The following CACNA1H variants were observed in gnomAD, a reference collection of about 807,000 sequenced individuals.
The protein encoded by CACNA1H is voltage-dependent T-type calcium channel subunit alpha-1H.
Under a neutral mutation model 192.5 loss-of-function variants are expected in CACNA1H, and 149 were observed. That is an observed-to-expected ratio of 0.77 (90% CI 0.68 to 0.89). The LOEUF (loss-of-function observed/expected upper bound fraction) is 0.89. CACNA1H is among the 40% of genes least tolerant of loss of function. The pLI, the probability that CACNA1H is intolerant of heterozygous loss-of-function variation, is 0.00. For synonymous variants in CACNA1H, 2,202 were observed against 1,475.2 expected (o/e 1.49, Z -11.29); for missense variants, 4,257 against 3,423.5 (o/e 1.24, Z -6.08).
At chr16:1,202,550 T>C in intron 9 of CACNA1H, 98 bp downstream of exon 9, 1 of 1,068,810 alleles carries the variant, frequency 9.4e-7, no homozygotes. Context: ...GTGGGCACTC[T>C]GATGAGCCCA....
At chr16:1,164,378 G>A (rs1292089416) in intron 2 of CACNA1H, among the ~76,000 whole-genome samples, 1 of 152,102 alleles carries the variant, frequency 6.6e-6, no homozygotes, top group African/African-American at 2.4e-5. Context: ...CTGTCGCCCA[G>A]GCTGAGTGCA....
Position 1,209,273 on chromosome 16 carries a change from G to A in CACNA1H, c.3605G>A (p.Arg1202Gln), listed in dbSNP as rs745360721. 38 of 1,553,986 alleles carry A rather than the reference G, an allele frequency of 2.4e-5. No homozygotes were observed. The highest frequency in any genetic ancestry group is 5.7e-5 in the Admixed American group (3 of 52,458). ...PLRRAESLDP[R>Q]PLRPAALPPT... ...CGGCGGGCCGAGTCCCTGGACCCAC[G>A]GCCCCTGCGGCCGGCCGCCCTCCCG... Residue 1202 changes from arginine to glutamine, a missense_variant, in exon 17 of 35, where the codon CGG (arginine) becomes CAG (glutamine). Arg to Gln is a conservative substitution (Grantham distance 43). Coordinates refer to ENST00000348261, the MANE Select transcript of CACNA1H (RefSeq NM_021098.3).
In CACNA1H at chr16:1,219,109, C is replaced by T. The variant is rs766357140; in HGVS notation, c.6027C>T (p.Leu2009=). The T allele has an allele frequency of 2.9e-5, 45 of 1,544,176 alleles. 1 individual carries two copies. In the Admixed American group the frequency reaches 7.5e-4, roughly 26 times the overall value. ...SPRGTARSPS[L]SRLLCRQEAV... Reference sequence around the variant, plus strand: ...GGGGCACAGCCCGCTCCCCCAGTCTCAGCCGGCTGCTCTGCAGACAGGTAG... The same window carrying T: ...GGGGCACAGCCCGCTCCCCCAGTCTTAGCCGGCTGCTCTGCAGACAGGTAG... The change falls in exon 34 of 35, where the codon CTC becomes CTT. Residue 2009 remains leucine (L), a synonymous_variant. Transcript: ENST00000348261.
At chr16:1,162,643 G>GA (rs1240877547) in intron 2 of CACNA1H, among the ~76,000 whole-genome samples, 2 of 151,706 alleles carry the variant, frequency 1.3e-5, no homozygotes, top group Admixed American at 1.3e-4. Flanking sequence ...CTGGAGTGGG[G>GA]GGGGGGGGTC....
chr16:1,164,577 CAG>C (rs56848093), intron 2 of CACNA1H, among the ~76,000 whole-genome samples: 58 of 152,358 alleles, frequency 3.8e-4, no homozygotes, highest in African/African-American at 1.2e-3. Flanking sequence ...AGCGTGGGCA[CAG>C]GGGCGATTTG....
intron 2 of CACNA1H, among the ~76,000 whole-genome samples, chr16:1,176,680 G>T (rs554417168): frequency 6.6e-6 from 1 of 152,222 alleles, no homozygotes; most frequent in Non-Finnish European, 1.5e-5. Flanking sequence ...GCTGATGGGG[G>T]TCCGGGGGCC....
chr16:1,198,263 TCCCTGCCTCGGCCAGTC>T (rs935628510), intron 5 of CACNA1H, among the ~76,000 whole-genome samples: 10 of 148,962 alleles, frequency 6.7e-5, no homozygotes, highest in African/African-American at 2.4e-4. Flanking sequence ...CGCAGCCAGT[TCCCTGCCTCGGCCAGTC>T]CCCTGCCTCC....
chr16:1,159,930 G>C (rs1015973313), intron 2 of CACNA1H: 6 of 152,262 alleles, frequency 3.9e-5, no homozygotes, highest in African/African-American at 1.4e-4. Flanking sequence ...CTCCCCCAAG[G>C]GCTGAGAGCC....
intron 26 of CACNA1H, among the ~76,000 whole-genome samples, chr16:1,213,297 C>T (rs950678086): frequency 6.6e-6 from 1 of 152,180 alleles, no homozygotes; most frequent in Non-Finnish European, 1.5e-5. Flanking sequence ...CTGCCCTGCC[C>T]AGCCCTTCAT....
At chr16:1,189,045 C>T (rs1966344575) in intron 2 of CACNA1H, among the ~76,000 whole-genome samples, 1 of 148,882 alleles carries the variant, frequency 6.7e-6, no homozygotes, top group Non-Finnish European at 1.5e-5. Flanking sequence ...ACCATGGCCA[C>T]AGGCGGTGCC....
Position 1,213,856 on chromosome 16 carries a change from T to C in CACNA1H, c.4854T>C (p.Tyr1618=), listed in dbSNP as rs1464872594. The part of the protein sequence containing the change: ...RSIHSLCTSH[Y]LDLFITFIIC... The stretch of plus-strand genomic sequence containing the variant: ...TTCACTCGCTGTGCACCAGCCACTA[T>C]CTCGACCTCTTCATCACCTTCATCA... The change falls in exon 27 of 35, where the codon TAT becomes TAC. Residue 1618 remains tyrosine, a synonymous_variant. Transcript: ENST00000348261. 6.2e-7 allele frequency: 1 copy of C among 1,609,350 alleles called. No individual in the cohort carries two copies. Among genetic ancestry groups the C allele is most frequent in the Non-Finnish European group, 8.5e-7 (1 of 1,178,310 alleles).
intron 34 of CACNA1H, 79 bp downstream of exon 34, chr16:1,219,209 C>G (rs540395635): frequency 6.6e-6 from 9 of 1,353,664 alleles, no homozygotes; most frequent in Non-Finnish European, 8.9e-6. Context: ...ATCTGAAGGA[C>G]CAGCAGACGA....
At chr16:1,156,577 C>G (rs186338302) in intron 2 of CACNA1H, among the ~76,000 whole-genome samples, 53 of 152,190 alleles carry the variant, frequency 3.5e-4, no homozygotes, top group African/African-American at 1.2e-3. Flanking sequence ...GGGTGTGTCC[C>G]GTAGCAAGAG....
chr16:1,171,562 C>T (rs766024284), intron 2 of CACNA1H, among the ~76,000 whole-genome samples: 9 of 152,232 alleles, frequency 5.9e-5, no homozygotes, highest in Non-Finnish European at 1.2e-4. Context: ...ATTAAACTCC[C>T]TTGGCTGCCG....
Position 1,153,966 on chromosome 16 carries a change from G to A in CACNA1H, c.229G>A (p.Ala77Thr). The change falls in exon 2 of 35, where the codon GCC (alanine) becomes ACC (threonine). Residue 77 changes from alanine to threonine, a missense_variant. Coordinates refer to ENST00000348261, the MANE Select transcript of CACNA1H (RefSeq NM_021098.3). ...EQRVPYPALAATVFFCLGQTT... is the reference protein window; with the variant it reads ...EQRVPYPALATTVFFCLGQTT... ...GCGCGTCCCGTACCCGGCCTTGGCG[G>A]CCACGGTCTTCTTCTGCCTCGGTCA... 6.9e-7 allele frequency: 1 copy of A among 1,449,950 alleles called. No homozygotes were observed. The allele number at this position is 1,449,950 out of a possible 1,614,324, so 89.8% of individuals were successfully genotyped here. A position where few individuals can be genotyped will look rare whatever the true frequency, so the allele number is the denominator to read the frequency against.
chr16:1,195,972 A>C lies in CACNA1H; in HGVS notation c.592A>C (p.Ile198Leu), dbSNP rs774463255. The change falls in exon 5 of 35, where the codon ATC becomes CTC. Residue 198 changes from isoleucine to leucine, a missense_variant. Physicochemically the swap from Ile to Leu is conservative, Grantham distance 5 (BLOSUM62 2). Transcript: ENST00000348261. ...LDGHNVSLSA[I>L]RTVRVLRPLR... ...CGGACACAACGTGAGCCTCTCGGCT[A>C]TCAGGACCGTGCGGGTGCTGCGGCC... The C allele has an allele frequency of 1.9e-6, 3 of 1,613,116 alleles. No individual in the cohort carries two copies. The South Asian group carries it at 3.3e-5, about 18-fold the overall frequency.
Position 1,207,489 on chromosome 16 carries a change from C to G in CACNA1H, c.3063+59C>G, listed in dbSNP as rs1198529962. On this transcript the variant is annotated intron_variant, in intron 14 of 34. Coordinates refer to ENST00000348261, the MANE Select transcript of CACNA1H (RefSeq NM_021098.3). ...GGGCGATGAGAAGAGAGACGGGCTT[C>G]AGGTCGAGGGGAGGGGTGTGGGGGG... is the stretch of plus-strand genomic sequence containing the variant. 3 of 1,558,568 alleles carry G rather than the reference C, an allele frequency of 1.9e-6. No homozygotes were observed. The Admixed American group carries it at 5.3e-5, about 27-fold the overall frequency.
In CACNA1H at chr16:1,204,131, G is replaced by A. The variant is rs1968353911; in HGVS notation, c.2124G>A (p.Glu708=). 3.1e-6 allele frequency: 5 copies of A among 1,612,298 alleles called. No individual in the cohort carries two copies. The highest frequency in any genetic ancestry group is 2.2e-5 in the South Asian group (2 of 91,042). Residue 708 remains glutamate, a synonymous_variant, in exon 10 of 35, where the codon GAG becomes GAA. Transcript: ENST00000348261. ...KSCPYCTRAL[E]DPEGELSGSE... is the part of the protein sequence containing the mutation. ...GCCCGTACTGCACCCGTGCCCTGGA[G>A]GACCCGGAGGGTGAGCTCAGCGGCT... is the stretch of plus-strand genomic sequence containing the variant.
Position 1,186,634 on chromosome 16 carries a change from G to A in CACNA1H, c.300-8338G>A, listed in dbSNP as rs138011134. 7.9e-5 allele frequency among the ~76,000 whole-genome samples: 12 copies of A among 152,238 alleles called. 1 individual carries two copies. The South Asian group carries it at 1.0e-3, about 13-fold the overall frequency. On this transcript the variant is annotated intron_variant, in intron 2 of 34. Coordinates refer to ENST00000348261, the MANE Select transcript of CACNA1H (RefSeq NM_021098.3). Reference sequence around the variant, plus strand: ...TGGCTTCTGTCGTGAATGTGGTCACGTGTCCTCCGTGACTCGCTCCTCCTG... The same window carrying A: ...TGGCTTCTGTCGTGAATGTGGTCACATGTCCTCCGTGACTCGCTCCTCCTG...
Sources: allele counts gnomAD v4.1 joint callset (sites outside exome capture counted in the v4.1 genomes callset), GRCh38; gene constraint gnomAD v4.1.1; transcripts MANE v1.5; gene names NCBI Gene and HGNC (gene_info 2026-07-23, HGNC 2026-07-21).